Variants in GALNT13 observed in about 807,000 individuals in gnomAD.
The protein encoded by GALNT13 is polypeptide N-acetylgalactosaminyltransferase 13.
Under a neutral mutation model 64.2 loss-of-function variants are expected in GALNT13, and 28 were observed. The ratio of observed to expected loss-of-function variants is 0.44; its 90% CI spans 0.32 to 0.60. GALNT13 has a LOEUF of 0.60. GALNT13 is among the 20% of genes least tolerant of loss of function. GALNT13 has a pLI of 0.05. For missense variants in GALNT13, 577 were observed against 669.8 expected, an observed-to-expected ratio of 0.86 and a Z score of 1.53; for synonymous variants, 214 against 224.6, an observed-to-expected ratio of 0.95 and a Z score of 0.42.
the GALNT13 span, among the ~76,000 whole-genome samples, chr2:153,555,194 T>TAAATAAAAATAAAAATAG: frequency 8.3e-3 from 1,086 of 130,600 alleles, 38 homozygotes; most frequent in South Asian, 0.015. Context: ...GCTTTACTTT[T>TAAATAAAAATAAAAATAG]TTTTTTTTTT....
chr2:154,185,058 T>C (rs1488772733), intron 4 of GALNT13, among the ~76,000 whole-genome samples: 1 of 152,108 alleles, frequency 6.6e-6, no homozygotes, highest in African/African-American at 2.4e-5. Flanking sequence ...GATGATAACC[T>C]CCTTAGATTT....
intron 3 of GALNT13, among the ~76,000 whole-genome samples, chr2:154,126,669 A>G (rs1241285789): frequency 6.6e-6 from 1 of 152,024 alleles, no homozygotes; most frequent in Non-Finnish European, 1.5e-5. Flanking sequence ...AAAAAGAAAG[A>G]AAAGAAGAAA....
chr2:154,092,566 C>T (rs1701869994), intron 3 of GALNT13, among the ~76,000 whole-genome samples: 1 of 151,990 alleles, frequency 6.6e-6, no homozygotes, highest in South Asian at 2.1e-4. Context: ...TCACTGTTGG[C>T]ACTGCACTGG....
the GALNT13 span, among the ~76,000 whole-genome samples, chr2:153,452,192 C>G: frequency 6.6e-6 from 1 of 152,272 alleles, no homozygotes; most frequent in East Asian, 1.9e-4. Context: ...GCCCAAACAA[C>G]AAAACATACG....
At chr2:153,509,016 T>A in the GALNT13 span, among the ~76,000 whole-genome samples, 1 of 152,082 alleles carries the variant, frequency 6.6e-6, no homozygotes, top group Admixed American at 6.5e-5. Context: ...TGGCAGGCAG[T>A]TTAAGGTTTG....
chr2:153,990,834 TG>T (rs1695112141), intron 3 of GALNT13, among the ~76,000 whole-genome samples: 1 of 152,206 alleles, frequency 6.6e-6, no homozygotes, highest in South Asian at 2.1e-4. Context: ...AGAAAATTGG[TG>T]TACAAATGGT....
intron 10 of GALNT13, among the ~76,000 whole-genome samples, chr2:154,406,925 T>C (rs1699572070): frequency 6.6e-6 from 1 of 152,210 alleles, no homozygotes. Flanking sequence ...TAAAGTGTTA[T>C]CTTTTGTAGA....
intron 4 of GALNT13, among the ~76,000 whole-genome samples, chr2:154,211,118 A>T (rs906414472): frequency 6.6e-6 from 1 of 152,116 alleles, no homozygotes; most frequent in African/African-American, 2.4e-5. Flanking sequence ...ATCTACACTC[A>T]TGCATTGCTT....
At chr2:153,297,859 G>C in the GALNT13 span, among the ~76,000 whole-genome samples, 1 of 152,166 alleles carries the variant, frequency 6.6e-6, no homozygotes, top group Non-Finnish European at 1.5e-5. Context: ...GTCACAATGT[G>C]CTGACTGAAA....
intron 3 of GALNT13, among the ~76,000 whole-genome samples, chr2:154,092,075 GAAAAAAAAAAAAAA>G (rs58406719): frequency 9.4e-4 from 70 of 74,522 alleles, no homozygotes; most frequent in Middle Eastern, 6.4e-3. Context: ...TTCATGTCTG[GAAAAAAAAAAAAAA>G]AAAAAAAAAA....
the GALNT13 span, among the ~76,000 whole-genome samples, chr2:153,072,043 C>T: frequency 6.6e-6 from 1 of 152,148 alleles, no homozygotes; most frequent in Non-Finnish European, 1.5e-5. Flanking sequence ...TTTTTACCTC[C>T]TTTACTGAAG....
At chr2:153,547,527 T>C in the GALNT13 span, among the ~76,000 whole-genome samples, 1 of 152,318 alleles carries the variant, frequency 6.6e-6, no homozygotes. Context: ...AGAGTCTTAA[T>C]ATATAAAATA....
At chr2:153,706,518 G>C in the GALNT13 span, among the ~76,000 whole-genome samples, 1 of 152,144 alleles carries the variant, frequency 6.6e-6, no homozygotes, top group Non-Finnish European at 1.5e-5. Context: ...TACACGACCA[G>C]TGAAATGGAC....
the GALNT13 span, among the ~76,000 whole-genome samples, chr2:153,772,722 A>C: frequency 0.43 from 65,528 of 152,086 alleles, 15,518 homozygotes; most frequent in African/African-American, 0.62. Context: ...ATAGTCTTCA[A>C]GTCCTTGCAG....
At chr2:154,282,189 A>C (rs569986502) in intron 8 of GALNT13, among the ~76,000 whole-genome samples, 1 of 152,236 alleles carries the variant, frequency 6.6e-6, no homozygotes, top group Non-Finnish European at 1.5e-5. Flanking sequence ...AATTCTCCTA[A>C]AGGAGAACAA....
the GALNT13 span, among the ~76,000 whole-genome samples, chr2:153,237,018 A>G: frequency 6.6e-6 from 1 of 152,050 alleles, no homozygotes. Context: ...ACTCATTGAA[A>G]ACTTCAGGAG....
At chr2:153,158,470 A>C in the GALNT13 span, among the ~76,000 whole-genome samples, 1 of 152,194 alleles carries the variant, frequency 6.6e-6, no homozygotes, top group Non-Finnish European at 1.5e-5. Context: ...TCATCTGTAT[A>C]TGGTCATGCT....
chr2:154,393,894 C>G (rs891900225), intron 9 of GALNT13, among the ~76,000 whole-genome samples: 2 of 150,426 alleles, frequency 1.3e-5, no homozygotes, highest in African/African-American at 4.9e-5. Flanking sequence ...CCGGCTAAAA[C>G]GGTGAAACCC....
chr2:153,482,198 T>C, the GALNT13 span, among the ~76,000 whole-genome samples: 2 of 152,220 alleles, frequency 1.3e-5, no homozygotes, highest in Admixed American at 6.5e-5. Flanking sequence ...TTTGTCTATT[T>C]TTCTTAATGA....
Sources: allele counts gnomAD v4.1 joint callset (sites outside exome capture counted in the v4.1 genomes callset), GRCh38; gene constraint gnomAD v4.1.1; transcripts MANE v1.5; gene names NCBI Gene and HGNC (gene_info 2026-07-23, HGNC 2026-07-21).